Variants in ANKS1A observed in about 807,000 individuals in gnomAD.
ANKS1A encodes ankyrin repeat and sterile alpha motif domain containing 1A, also known as ankyrin repeat and SAM domain-containing protein 1A.
In ANKS1A, 55 loss-of-function variants were observed where a neutral mutation model predicts 120.3. That is an observed-to-expected ratio of 0.46 (90% CI 0.37 to 0.57). ANKS1A has a LOEUF of 0.57. Among genes scored for constraint, ANKS1A ranks in the 20% least tolerant of loss-of-function variants. ANKS1A has a pLI of 0.00. For synonymous variants in ANKS1A, 590 were observed against 604.7 expected (o/e 0.98, Z 0.36); for missense variants, 1,123 against 1,480.3 (o/e 0.76, Z 3.96).
intron 10 of ANKS1A, among the ~76,000 whole-genome samples, 153 bp from the exon 11 acceptor site, chr6:35,017,320 T>G (rs1774072417): frequency 6.6e-6 from 1 of 152,216 alleles, no homozygotes; most frequent in African/African-American, 2.4e-5. Flanking sequence ...TTCCTCTCTC[T>G]TCTTCTCTCC....
At chr6:35,027,087 T>A (rs1050141118) in intron 11 of ANKS1A, among the ~76,000 whole-genome samples, 15 of 152,246 alleles carry the variant, frequency 9.9e-5, no homozygotes, top group African/African-American at 3.6e-4. Flanking sequence ...AGAAATAAAA[T>A]CTGAAAACCA....
chr6:34,976,413 A>G (rs1397484193), intron 3 of ANKS1A, among the ~76,000 whole-genome samples: 1 of 152,132 alleles, frequency 6.6e-6, no homozygotes, highest in Non-Finnish European at 1.5e-5. Context: ...ATCCTTAGCT[A>G]AGGCAGAACC....
At chr6:34,921,025 A>C (rs1479545537) in intron 1 of ANKS1A, among the ~76,000 whole-genome samples, 1 of 152,236 alleles carries the variant, frequency 6.6e-6, no homozygotes, top group African/African-American at 2.4e-5. Flanking sequence ...AGCACAAAAC[A>C]ATGAGACTAT....
intron 1 of ANKS1A, among the ~76,000 whole-genome samples, chr6:34,951,303 TAA>T (rs1770082585): frequency 6.6e-6 from 1 of 152,006 alleles, no homozygotes; most frequent in Non-Finnish European, 1.5e-5. Context: ...ATTTATATTT[TAA>T]ATTCCAGTTT....
chr6:34,937,373 T>C (rs1769309837), intron 1 of ANKS1A, among the ~76,000 whole-genome samples: 1 of 152,026 alleles, frequency 6.6e-6, no homozygotes, highest in South Asian at 2.1e-4. Context: ...TAGAATTTAT[T>C]ATCTTAGGGC....
chr6:34,987,743 G>A (rs1329256802), intron 8 of ANKS1A, among the ~76,000 whole-genome samples: 1 of 152,246 alleles, frequency 6.6e-6, no homozygotes, highest in African/African-American at 2.4e-5. Flanking sequence ...GCTAATGCGA[G>A]TAGCTCCTAA....
rs552496085 is a variant in ANKS1A at position 35,000,661 on chromosome 6, TA to T, written c.1423+6246del. On this transcript the variant is annotated intron_variant, in intron 10 of 23. Coordinates refer to ENST00000360359, the MANE Select transcript of ANKS1A (RefSeq NM_015245.3). Reference sequence around the variant, plus strand: ...GAAAGTCATGAAAGAAAAAATGTTATAAAAAAATTTATGCAAAAAATGTTGT... The same window carrying T: ...GAAAGTCATGAAAGAAAAAATGTTATAAAAAATTTATGCAAAAAATGTTGT... 2.4e-3 allele frequency among the ~76,000 whole-genome samples: 366 copies of T among 152,196 alleles called. 4 individuals carry two copies. Among genetic ancestry groups the T allele is most frequent in the African/African-American group, 8.1e-3 (336 of 41,548 alleles).
chr6:35,092,162 C>A (rs940965785), downstream of ANKS1A, among the ~76,000 whole-genome samples: 1 of 152,158 alleles, frequency 6.6e-6, no homozygotes, highest in Non-Finnish European at 1.5e-5. Context: ...ATTCATAAAG[C>A]GGGAGGGACC....
At chr6:35,068,720 A>G (rs897299099) in intron 13 of ANKS1A, among the ~76,000 whole-genome samples, 1 of 152,182 alleles carries the variant, frequency 6.6e-6, no homozygotes, top group Non-Finnish European at 1.5e-5. Flanking sequence ...GCACCTTGTA[A>G]GTCCAGGATC....
At chr6:35,059,656 C>T (rs969589178) in intron 12 of ANKS1A, among the ~76,000 whole-genome samples, 8 of 152,190 alleles carry the variant, frequency 5.3e-5, no homozygotes, top group African/African-American at 1.9e-4. Flanking sequence ...AGAACTTGCC[C>T]CTCGCCACGG....
chr6:34,987,174 C>T (rs1208830042), intron 8 of ANKS1A, among the ~76,000 whole-genome samples: 3 of 152,130 alleles, frequency 2.0e-5, no homozygotes, highest in Non-Finnish European at 4.4e-5. Context: ...TGGCAAAGGG[C>T]CTGTTTACCT....
At chr6:35,074,922 C>G (rs907927742) in intron 13 of ANKS1A, among the ~76,000 whole-genome samples, 2 of 152,230 alleles carry the variant, frequency 1.3e-5, no homozygotes, top group Non-Finnish European at 2.9e-5. Flanking sequence ...GGGGGCCAAG[C>G]AAGTCATGGT....
At chr6:35,049,550 C>T (rs988648888) in intron 11 of ANKS1A, among the ~76,000 whole-genome samples, 2 of 152,200 alleles carry the variant, frequency 1.3e-5, no homozygotes, top group Non-Finnish European at 2.9e-5. Flanking sequence ...GTGTCTCCCG[C>T]CCCGTGGCTC....
chr6:35,064,807 G>A (rs775082538), intron 13 of ANKS1A, among the ~76,000 whole-genome samples: 35 of 141,496 alleles, frequency 2.5e-4, no homozygotes, highest in African/African-American at 8.2e-4. Context: ...CTCCACCCCC[G>A]TCCCATCTCC....
At chr6:34,891,731 C>T (rs991677779) in intron 1 of ANKS1A, among the ~76,000 whole-genome samples, 2 of 152,098 alleles carry the variant, frequency 1.3e-5, no homozygotes, top group South Asian at 2.1e-4. Flanking sequence ...TGGGTTCAAG[C>T]GATTCTCCTG....
intron 1 of ANKS1A, among the ~76,000 whole-genome samples, chr6:34,923,364 T>C (rs549797737): frequency 2.0e-5 from 3 of 152,322 alleles, no homozygotes; most frequent in African/African-American, 4.8e-5. Flanking sequence ...TTGAGGCCAA[T>C]GAAGGCTTTT....
chr6:35,043,539 T>A (rs1420525410), intron 11 of ANKS1A, among the ~76,000 whole-genome samples: 1 of 152,204 alleles, frequency 6.6e-6, no homozygotes, highest in Non-Finnish European at 1.5e-5. Context: ...TCATAGCGGC[T>A]ATCTTGTTTA....
chr6:34,972,734 G>T, intron 3 of ANKS1A: 3 of 619,974 alleles, frequency 4.8e-6, no homozygotes, highest in Non-Finnish European at 6.0e-6. Context: ...TGTCCACTCA[G>T]GGTCCTCCTC....
At chr6:35,012,829 A>G (rs994702316) in intron 10 of ANKS1A, among the ~76,000 whole-genome samples, 1 of 152,282 alleles carries the variant, frequency 6.6e-6, no homozygotes, top group South Asian at 2.1e-4. Context: ...ATGTATGGGT[A>G]GCATAAGAAA....
Sources: allele counts gnomAD v4.1 joint callset (sites outside exome capture counted in the v4.1 genomes callset), GRCh38; gene constraint gnomAD v4.1.1; transcripts MANE v1.5; gene names NCBI Gene and HGNC (gene_info 2026-07-23, HGNC 2026-07-21).